Variants in EVC observed in about 807,000 individuals in gnomAD.
The protein encoded by EVC is EvC ciliary complex subunit 1.
EVC carries 116 observed loss-of-function variants against 118.9 expected under a neutral mutation model. That is an observed-to-expected ratio of 0.98 (90% CI 0.84 to 1.14). The LOEUF is 1.14. Ranked by LOEUF, EVC falls within the 50% of genes most tolerant of loss-of-function variation. The pLI is 0.00. For missense variants in EVC, 1,401 were observed against 1,246.4 expected (o/e 1.12, Z -1.87); for synonymous variants, 619 against 534.7 (o/e 1.16, Z -2.18).
intron 1 of EVC, among the ~76,000 whole-genome samples, chr4:5,717,117 G>A (rs1396993106): frequency 6.6e-6 from 1 of 151,746 alleles, no homozygotes; most frequent in African/African-American, 2.4e-5. Flanking sequence ...GGTTGAATTG[G>A]GCTTCCAATC....
chr4:5,736,644 A>G (rs62298658), intron 5 of EVC, among the ~76,000 whole-genome samples: 23,770 of 152,014 alleles, frequency 0.16, 2,412 homozygotes, highest in African/African-American at 0.28. Flanking sequence ...CAATATTTCA[A>G]ACTTATTCAC....
At chr4:5,752,197 T>A (rs1730482891) in intron 8 of EVC, among the ~76,000 whole-genome samples, 1 of 151,926 alleles carries the variant, frequency 6.6e-6, no homozygotes, top group African/African-American at 2.4e-5. Context: ...GCTCCTCCTT[T>A]CCCCCTTACT....
intron 11 of EVC, among the ~76,000 whole-genome samples, chr4:5,761,217 C>T (rs1731957359): frequency 6.6e-6 from 1 of 152,008 alleles, no homozygotes; most frequent in African/African-American, 2.4e-5. Context: ...AGACCTGGCA[C>T]ATGGTAGGTG....
At chr4:5,800,690 A>G (rs1397881863) in intron 15 of EVC, among the ~76,000 whole-genome samples, 1 of 152,190 alleles carries the variant, frequency 6.6e-6, no homozygotes, top group Non-Finnish European at 1.5e-5. Flanking sequence ...GCTGGAGCCC[A>G]GGTCCTTGGA....
chr4:5,759,880 G>A (rs535765243), intron 11 of EVC, among the ~76,000 whole-genome samples: 3 of 152,324 alleles, frequency 2.0e-5, no homozygotes, highest in South Asian at 2.1e-4. Flanking sequence ...CGGACACAGC[G>A]TGGTTTTATA....
rs1344717487 is a variant in EVC, at chr4:5,745,298, T to C, written c.896T>C (p.Val299Ala). 1.9e-6 allele frequency: 3 copies of C among 1,613,896 alleles called. No homozygotes were observed. Among genetic ancestry groups the C allele is most frequent in the Non-Finnish European group, 2.5e-6 (3 of 1,179,960 alleles). The part of the protein sequence containing the change: ...GDSEYITLAD[V>A]EKKEREYSEQ... ...TCTGAGTACATCACCCTGGCTGATG[T>C]GGAAAAGAAGGAGAGAGAATACTCT... Residue 299 changes from valine (V) to alanine (A), a missense_variant, in exon 7 of 21, where the codon GTG becomes GCG. By Grantham distance (64) the Val-to-Ala change is moderately conservative. Coordinates refer to ENST00000264956, the MANE Select transcript of EVC (RefSeq NM_153717.3).
In EVC at chr4:5,797,074, C is replaced by T. The variant is rs770276380; in HGVS notation, c.1939C>T (p.Arg647Trp). 36 of 1,613,406 alleles carry T rather than the reference C, an allele frequency of 2.2e-5. No homozygotes were observed. In the Admixed American group the frequency reaches 2.5e-4, roughly 11 times the overall value. The stretch of plus-strand genomic sequence containing the variant: ...TGACCTGCTGTTGCGCTCAGCCCTC[C>T]GGAGGCTGGCACTCCGCGGCAACGC... Reference protein sequence around the residue: ...GHDLLLRSALRRLALRGNALA... With the variant: ...GHDLLLRSALWRLALRGNALA... Residue 647 changes from arginine (R) to tryptophan (W), a missense_variant, in exon 14 of 21, where the codon CGG (arginine) becomes TGG (tryptophan). Arg to Trp is a moderately radical substitution (Grantham distance 101). Transcript: ENST00000264956.
downstream of EVC, among the ~76,000 whole-genome samples, chr4:5,818,561 C>G (rs993069294): frequency 2.0e-5 from 3 of 152,144 alleles, no homozygotes; most frequent in African/African-American, 7.2e-5. Context: ...TGGATTAATT[C>G]ATTCATAGAT....
intron 13 of EVC, among the ~76,000 whole-genome samples, chr4:5,796,554 C>T (rs1040480460): frequency 2.0e-5 from 3 of 152,114 alleles, no homozygotes; most frequent in Middle Eastern, 3.4e-3. Flanking sequence ...AAGCCTGGAG[C>T]GTTTGCCAGC....
At chr4:5,796,450 G>A (rs768722958) in intron 13 of EVC, among the ~76,000 whole-genome samples, 3 of 152,148 alleles carry the variant, frequency 2.0e-5, no homozygotes, top group East Asian at 1.9e-4. Flanking sequence ...CGGATGGTGG[G>A]AGATTCACTC....
chr4:5,801,833 G>T (rs909374814), intron 15 of EVC, 117 bp from the exon 16 acceptor site: 2 of 1,145,040 alleles, frequency 1.7e-6, no homozygotes, highest in Non-Finnish European at 2.6e-6. Flanking sequence ...ACCAATCCAG[G>T]TTGGTGAGTA....
In EVC at chr4:5,756,409, T is replaced by C. The variant is rs150637867; in HGVS notation, c.1563+47T>C. On this transcript the variant is annotated intron_variant, in intron 11 of 20. Transcript: ENST00000264956. The surrounding 1 kb of genome is among the most constrained non-coding windows in gnomAD (Gnocchi z 4.2). ...CAGCAGAGAAGCCCCAGGGTCTGTGTGTGTGCGAGAACCTCACATCCTCCT... is the reference window on the plus strand; with the variant it reads ...CAGCAGAGAAGCCCCAGGGTCTGTGCGTGTGCGAGAACCTCACATCCTCCT... The C allele has an allele frequency of 4.6e-6, 7 of 1,505,644 alleles. No individual in the cohort carries two copies. In the African/African-American group the frequency reaches 9.6e-5, roughly 21 times the overall value. 93.3% of individuals were successfully genotyped at this position (1,505,644 alleles called of 1,614,324 possible). A position where few individuals can be genotyped will look rare whatever the true frequency, so the allele number is the denominator to read the frequency against.
At chr4:5,783,863 T>C (rs1157337337) in intron 12 of EVC, 99 bp downstream of exon 12, 2 of 1,121,496 alleles carry the variant, frequency 1.8e-6, no homozygotes, top group Non-Finnish European at 2.6e-6. Flanking sequence ...TAGTGCCTAT[T>C]GTAGGTGCTC....
the EVC span, among the ~76,000 whole-genome samples, chr4:5,819,950 C>T: frequency 6.6e-6 from 1 of 152,180 alleles, no homozygotes; most frequent in African/African-American, 2.4e-5. Flanking sequence ...ATGAAAAGCC[C>T]TGCGTTGATG....
chr4:5,824,200 C>G, the EVC span: 187 of 712,524 alleles, frequency 2.6e-4, 1 homozygote, highest in African/African-American at 3.4e-3. Context: ...AGTTTGCAAA[C>G]TCCTTGAGAG....
chr4:5,719,181 G>A lies in EVC; in HGVS notation c.175-67G>A. ...AGTTGACTGGCAAAAGTCACGGTGG[G>A]GACCAGGCCGACTGACCTCAATGTT... On this transcript the variant is annotated intron_variant, in intron 1 of 20. Coordinates refer to ENST00000264956, the MANE Select transcript of EVC (RefSeq NM_153717.3). The surrounding 1 kb of genome is among the most constrained non-coding windows in gnomAD (Gnocchi z 4.7). 1 of 1,609,020 alleles carries A rather than the reference G, an allele frequency of 6.2e-7. No individual in the cohort carries two copies. Among genetic ancestry groups the A allele is most frequent in the Non-Finnish European group, 8.5e-7 (1 of 1,176,496 alleles).
intron 11 of EVC, among the ~76,000 whole-genome samples, chr4:5,772,608 A>G (rs1560381763): frequency 6.6e-6 from 1 of 151,424 alleles, no homozygotes; most frequent in South Asian, 2.1e-4. Context: ...CAGCCTGTCC[A>G]CAAGATGCCC....
chr4:5,809,396 T>C, intron 18 of EVC, 122 bp from the exon 19 acceptor site: 1 of 840,910 alleles, frequency 1.2e-6, no homozygotes, highest in Non-Finnish European at 2.0e-6. Flanking sequence ...AAAATTCTCC[T>C]CCACACGGGA....
In EVC at chr4:5,765,797, G is replaced by C. The variant is rs376326049; in HGVS notation, c.1563+9435G>C. 4.7e-5 allele frequency among the ~76,000 whole-genome samples: 7 copies of C among 150,448 alleles called. No individual in the cohort carries two copies. The East Asian group carries it at 1.2e-3, about 26-fold the overall frequency. Reference sequence around the variant, plus strand: ...CCTTTTATTTTGAGCCTATGTGTGTGTCTGCACGTGAGATGGGTTTCCTGA... The same window carrying C: ...CCTTTTATTTTGAGCCTATGTGTGTCTCTGCACGTGAGATGGGTTTCCTGA... On this transcript the variant is annotated intron_variant, in intron 11 of 20. Coordinates refer to ENST00000264956, the MANE Select transcript of EVC (RefSeq NM_153717.3).
Sources: allele counts gnomAD v4.1 joint callset (sites outside exome capture counted in the v4.1 genomes callset), GRCh38; gene constraint gnomAD v4.1.1; non-coding constraint Gnocchi (gnomAD v3.1); transcripts MANE v1.5; gene names NCBI Gene and HGNC (gene_info 2026-07-23, HGNC 2026-07-21).